Variants in AKAP13 observed in about 807,000 individuals in gnomAD.
The protein encoded by AKAP13 is A-kinase anchoring protein 13.
In AKAP13, 80 loss-of-function variants were observed where a neutral mutation model predicts 264.5. That is an observed-to-expected ratio of 0.30 (90% CI 0.25 to 0.36). AKAP13 has a LOEUF of 0.36. Among genes scored for constraint, AKAP13 ranks in the 10% least tolerant of loss-of-function variants. AKAP13 has a pLI of 1.00. For missense variants in AKAP13, 3,712 were observed against 3,435.2 expected (o/e 1.08, Z -2.01); for synonymous variants, 1,380 against 1,250.2 (o/e 1.10, Z -2.19).
In AKAP13 at chr15:85,626,993, C is replaced by T. The variant is rs139723785; in HGVS notation, c.4162-12381C>T. Among the ~76,000 whole-genome samples, 264 of 152,144 alleles carry T rather than the reference C, an allele frequency of 1.7e-3. 1 individual carries two copies. Among genetic ancestry groups the T allele is most frequent in the African/African-American group, 6.1e-3 (252 of 41,492 alleles). ...TCATTGTGGTTTTGATTTGCATTTC[C>T]CTAATGCACACTTACTTTTGTCCTG... On this transcript the variant is annotated intron_variant, in intron 8 of 36. Coordinates refer to ENST00000394518, the MANE Select transcript of AKAP13 (RefSeq NM_007200.5).
Position 85,543,858 on chromosome 15 carries a change from G to A in AKAP13, c.565G>A (p.Gly189Ser). 1 of 1,614,144 alleles carries A rather than the reference G, an allele frequency of 6.2e-7. No homozygotes were observed. Among genetic ancestry groups the A allele is most frequent in the East Asian group, 2.2e-5 (1 of 44,876 alleles). ...GTGGTTCCTGTTGCAGAAGCCAGGT[G>A]GCCGCGGAGCTCTCAGTATCCACAA... Reference protein sequence around the residue: ...LTWFLLQKPGGRGALSIHNQE... With the variant: ...LTWFLLQKPGSRGALSIHNQE... The change falls in exon 5 of 37, where the codon GGC (glycine) becomes AGC (serine). Residue 189 changes from glycine to serine, a missense_variant. Gly to Ser is a moderately conservative substitution (Grantham distance 56). Coordinates refer to ENST00000394518, the MANE Select transcript of AKAP13 (RefSeq NM_007200.5).
At chr15:85,619,944 T>G in intron 8 of AKAP13, 1 of 1,445,378 alleles carries the variant, frequency 6.9e-7, no homozygotes, top group Admixed American at 2.7e-5. Flanking sequence ...TTGACCCCTT[T>G]GAGAGTTTTA....
chr15:85,564,187 A>G lies in AKAP13; in HGVS notation c.663-10944A>G, dbSNP rs187988509. Among the ~76,000 whole-genome samples the G allele has an allele frequency of 2.5e-4, 38 of 152,156 alleles. No individual in the cohort carries two copies. In the East Asian group the frequency reaches 6.6e-3, roughly 26 times the overall value. On this transcript the variant is annotated intron_variant, in intron 5 of 36. Coordinates refer to ENST00000394518, the MANE Select transcript of AKAP13 (RefSeq NM_007200.5). ...GTAATAATAACAGAAGAATGAAGCA[A>G]TTTTCACCTCTGCCTTTATTAAAAT... is the stretch of plus-strand genomic sequence containing the variant.
chr15:85,453,703 C>G (rs2074175261), intron 1 of AKAP13, among the ~76,000 whole-genome samples: 1 of 152,088 alleles, frequency 6.6e-6, no homozygotes, highest in African/African-American at 2.4e-5. Context: ...CACTCTGAAG[C>G]TCTAAGGCTG....
At chr15:85,608,841 T>G (rs1030779629) in intron 8 of AKAP13, among the ~76,000 whole-genome samples, 1 of 152,156 alleles carries the variant, frequency 6.6e-6, no homozygotes, top group South Asian at 2.1e-4. Flanking sequence ...CAAGGGAGAT[T>G]AGACTGGATG....
At position 85,723,278 on chromosome 15, in the gene AKAP13, G is replaced by C. The variant is rs752600448; in HGVS notation, c.6703G>C (p.Asp2235His). 2 of 1,614,142 alleles carry C rather than the reference G, an allele frequency of 1.2e-6. No individual in the cohort carries two copies. The highest frequency in any genetic ancestry group is 1.7e-6 in the Non-Finnish European group (2 of 1,179,996). The change falls in exon 26 of 37, where the codon GAT (aspartate) becomes CAT (histidine). Residue 2235 changes from aspartate (D) to histidine (H), a missense_variant. This residue lies in a region of AKAP13 where 342 missense variants were observed against 484.3 expected (regional missense o/e 0.71). Transcript: ENST00000394518. ...TTTGAAACGGAAGAAGCTTGTACGT[G>C]ATGGGAGTGTGTTTCTGAAGAATGC... ...EDLKRKKLVR[D>H]GSVFLKNAAG...
intron 8 of AKAP13, among the ~76,000 whole-genome samples, chr15:85,603,769 T>C (rs2080196098): frequency 6.6e-6 from 1 of 152,186 alleles, no homozygotes; most frequent in African/African-American, 2.4e-5. Flanking sequence ...CTTTCCTTCT[T>C]TAAAGCCCTT....
chr15:85,539,447 G>A (rs1406019639), intron 4 of AKAP13, among the ~76,000 whole-genome samples: 2 of 152,194 alleles, frequency 1.3e-5, no homozygotes, highest in Non-Finnish European at 2.9e-5. Context: ...ATAGTACAAA[G>A]AATGGTGATT....
rs1840317750 is a variant in AKAP13, at chr15:85,533,828, C to T, written c.426C>T (p.His142=). Residue 142 remains histidine, a synonymous_variant, in exon 4 of 37, where the codon CAC becomes CAT. Coordinates refer to ENST00000394518, the MANE Select transcript of AKAP13 (RefSeq NM_007200.5). ...LDKKLVLAFR[H]LKLPTEWNVL... ...AGAAGTTGGTGCTGGCATTCAGGCA[C>T]CTGAAGCTGCCCACGGAGTGGAATG... The T allele has an allele frequency of 4.3e-6, 7 of 1,613,312 alleles. No individual in the cohort carries two copies. Among genetic ancestry groups the T allele is most frequent in the Non-Finnish European group, 5.9e-6 (7 of 1,179,564 alleles).
At chr15:85,511,821 A>G (rs2076432650) in intron 2 of AKAP13, among the ~76,000 whole-genome samples, 1 of 152,040 alleles carries the variant, frequency 6.6e-6, no homozygotes, top group African/African-American at 2.4e-5. Flanking sequence ...TTTTTTTCTC[A>G]CATTTATTAT....
At position 85,669,848 on chromosome 15, in the gene AKAP13, T is replaced by TA. The variant is rs1210277951; in HGVS notation, c.5101+25dup. On this transcript the variant is annotated intron_variant, in intron 14 of 36. Transcript: ENST00000394518. ...ATTGGACAGTGAGTATACTACTTTT[T>TA]AAAAAAATTAAATATATTAAATCTT... 1.3e-6 allele frequency: 2 copies of TA among 1,505,436 alleles called. No homozygotes were observed. The highest frequency in any genetic ancestry group is 1.8e-6 in the Non-Finnish European group (2 of 1,090,806). 93.3% of individuals were successfully genotyped at this position (1,505,436 alleles called of 1,614,324 possible).
intron 2 of AKAP13, among the ~76,000 whole-genome samples, chr15:85,519,276 T>C (rs2076724241): frequency 6.6e-6 from 1 of 152,206 alleles, no homozygotes; most frequent in African/African-American, 2.4e-5. Context: ...GAATTTCATG[T>C]AATTTTCACA....
chr15:85,703,648 C>T (rs1260241338), intron 17 of AKAP13, among the ~76,000 whole-genome samples: 3 of 152,036 alleles, frequency 2.0e-5, no homozygotes, highest in South Asian at 2.1e-4. Context: ...TTGAGACCAG[C>T]CTGGCCAACA....
intron 1 of AKAP13, among the ~76,000 whole-genome samples, chr15:85,459,352 A>AT (rs557848037): frequency 0.17 from 21,801 of 130,612 alleles, 2,158 homozygotes; most frequent in Non-Finnish European, 0.24. Flanking sequence ...CGCCCGGCTA[A>AT]TTTTTTTTTT....
intron 1 of AKAP13, among the ~76,000 whole-genome samples, chr15:85,472,006 T>C (rs1184850526): frequency 6.6e-6 from 1 of 152,098 alleles, no homozygotes; most frequent in Admixed American, 6.5e-5. Context: ...AGATCTTTAG[T>C]TTTGTATTTT....
At chr15:85,641,731 C>T (rs1367562691) in intron 9 of AKAP13, among the ~76,000 whole-genome samples, 1 of 151,790 alleles carries the variant, frequency 6.6e-6, no homozygotes, top group Non-Finnish European at 1.5e-5. Context: ...TGTGATCCAT[C>T]CCCCTCATCC....
At chr15:85,660,435 TCTC>T (rs2083293890) in intron 12 of AKAP13, among the ~76,000 whole-genome samples, 1 of 145,654 alleles carries the variant, frequency 6.9e-6, no homozygotes, top group Non-Finnish European at 1.5e-5. Flanking sequence ...TCGTGTTAAA[TCTC>T]CTCACAGTCT....
chr15:85,393,044 C>G (rs769268905), intron 1 of AKAP13, among the ~76,000 whole-genome samples: 3 of 152,142 alleles, frequency 2.0e-5, no homozygotes, highest in Non-Finnish European at 4.4e-5. Context: ...TGGGTGGTAT[C>G]TGTAAATTAA....
chr15:85,732,426 A>T (rs2088112115), intron 30 of AKAP13, among the ~76,000 whole-genome samples: 1 of 148,484 alleles, frequency 6.7e-6, no homozygotes, highest in Non-Finnish European at 1.5e-5. Context: ...GGGGAAAAAC[A>T]TATATATAAC....
Sources: gnomAD v4.1 joint callset for allele counts (sites outside exome capture counted in the v4.1 genomes callset) on GRCh38, gnomAD v4.1.1 for gene constraint, gnomAD v4.1.1 regional missense constraint, MANE v1.5 for transcripts, NCBI Gene and HGNC (gene_info 2026-07-23, HGNC 2026-07-21) for gene names.